LMNTD1: variants seen among roughly 807,000 people sequenced by gnomAD.
LMNTD1 encodes the protein lamin tail domain containing 1.
Under a neutral mutation model 50.9 loss-of-function variants are expected in LMNTD1, and 35 were observed. That is an observed-to-expected ratio of 0.69 (90% CI 0.53 to 0.91). The LOEUF (loss-of-function observed/expected upper bound fraction) is 0.91, where lower values mean the gene tolerates loss of function less well. Ranked by LOEUF, LMNTD1 falls within the 40% of genes least tolerant of loss-of-function variation. LMNTD1 has a pLI of 0.00. For missense variants in LMNTD1, 470 were observed against 475.5 expected (o/e 0.99, Z 0.11); for synonymous variants, 153 against 161.9 (o/e 0.94, Z 0.42).
intron 1 of LMNTD1, among the ~76,000 whole-genome samples, chr12:25,590,690 C>T (rs760506584): frequency 2.0e-5 from 3 of 152,170 alleles, no homozygotes; most frequent in Non-Finnish European, 4.4e-5. Flanking sequence ...AGGACTTTGT[C>T]TGGCATCTTG....
intron 9 of LMNTD1, among the ~76,000 whole-genome samples, chr12:25,480,294 C>T (rs146156039): frequency 4.6e-4 from 70 of 152,280 alleles, no homozygotes; most frequent in Non-Finnish European, 4.4e-5. Flanking sequence ...GATTTTCTGG[C>T]AGATGGCAGT....
chr12:25,559,307 G>C (rs1944181401), intron 1 of LMNTD1, among the ~76,000 whole-genome samples: 1 of 151,982 alleles, frequency 6.6e-6, no homozygotes, highest in Non-Finnish European at 1.5e-5. Flanking sequence ...TTGGTTTTCT[G>C]TCCTTGCAAT....
chr12:25,548,156 T>C (rs896941032), intron 3 of LMNTD1, among the ~76,000 whole-genome samples: 2 of 151,746 alleles, frequency 1.3e-5, no homozygotes, highest in African/African-American at 4.8e-5. Flanking sequence ...AATTTTATAC[T>C]TGTCATACAA....
chr12:25,569,612 A>C (rs1944702901), intron 1 of LMNTD1, among the ~76,000 whole-genome samples: 1 of 152,164 alleles, frequency 6.6e-6, no homozygotes, highest in Non-Finnish European at 1.5e-5. Flanking sequence ...CTGGTAGAAG[A>C]TGACTGGATC....
At chr12:25,480,763 T>C (rs551078358) in intron 9 of LMNTD1, among the ~76,000 whole-genome samples, 2 of 152,340 alleles carry the variant, frequency 1.3e-5, no homozygotes, top group East Asian at 3.9e-4. Flanking sequence ...TGCATATGTC[T>C]TTATAGTCCC....
intron 7 of LMNTD1, among the ~76,000 whole-genome samples, chr12:25,519,374 A>AGGTC (rs1941074792): frequency 1.3e-5 from 2 of 149,358 alleles, no homozygotes; most frequent in African/African-American, 4.9e-5. Flanking sequence ...GGCGGATCAC[A>AGGTC]AGGAGATCGA....
At chr12:25,559,614 T>A (rs1462846220) in intron 1 of LMNTD1, among the ~76,000 whole-genome samples, 1 of 152,206 alleles carries the variant, frequency 6.6e-6, no homozygotes, top group Non-Finnish European at 1.5e-5. Flanking sequence ...CCTTGAGGAA[T>A]CACCACACTG....
In LMNTD1 at chr12:25,507,644, C is replaced by T. The variant is rs115871924; in HGVS notation, c.1190-3844G>A. ...GAAGGCACAGGGGAGCACACACTCC[C>T]AGGGCATGATCCAGATGTTGTAGAT... On this transcript the variant is annotated intron_variant, in intron 8 of 9. Coordinates refer to ENST00000458174, the MANE Select transcript of LMNTD1 (RefSeq NM_001145728.2). 3.7e-3 allele frequency among the ~76,000 whole-genome samples: 557 copies of T among 152,298 alleles called. 4 individuals are homozygous for T. Among genetic ancestry groups the T allele is most frequent in the African/African-American group, 0.013 (541 of 41,558 alleles).
chr12:25,527,681 TACACACACACACACACAC>T (rs376707066), intron 4 of LMNTD1, among the ~76,000 whole-genome samples: 13 of 32,344 alleles, frequency 4.0e-4, no homozygotes, highest in African/African-American at 1.4e-3. Flanking sequence ...TATATATATA[TACACACACACACACACAC>T]ACACACACAC....
intron 4 of LMNTD1, among the ~76,000 whole-genome samples, chr12:25,540,693 C>A (rs1943002249): frequency 7.0e-6 from 1 of 142,786 alleles, no homozygotes; most frequent in Non-Finnish European, 1.5e-5. Context: ...TCTCACCGCT[C>A]CTATTCAACA....
intron 1 of LMNTD1, among the ~76,000 whole-genome samples, chr12:25,610,615 G>C (rs553712916): frequency 2.0e-5 from 3 of 152,180 alleles, no homozygotes; most frequent in Non-Finnish European, 4.4e-5. Flanking sequence ...TAGGAAACTA[G>C]GATTGTGGTC....
chr12:25,567,573 A>G (rs867577233), intron 1 of LMNTD1, among the ~76,000 whole-genome samples: 15 of 152,184 alleles, frequency 9.9e-5, no homozygotes, highest in Admixed American at 3.9e-4. Flanking sequence ...TGATGGGATC[A>G]TGGGGATTGG....
At chr12:25,519,759 T>C in intron 7 of LMNTD1, 99 bp downstream of exon 7, 1 of 760,180 alleles carries the variant, frequency 1.3e-6, no homozygotes, top group Non-Finnish European at 2.2e-6. Flanking sequence ...TGATTTAATT[T>C]ATACATCACA....
intron 1 of LMNTD1, among the ~76,000 whole-genome samples, chr12:25,603,948 G>C (rs955670840): frequency 1.3e-5 from 2 of 149,010 alleles, no homozygotes; most frequent in Non-Finnish European, 2.9e-5. Flanking sequence ...ACGAATATTG[G>C]GGGGGAAGGC....
At chr12:25,520,177 G>T (rs866775821) in intron 6 of LMNTD1, 102 bp from the exon 7 acceptor site, 2,387 of 146,968 alleles carry the variant, frequency 0.016, 42 homozygotes, top group South Asian at 0.04. Flanking sequence ...TATATATATA[G>T]TAAAATGGTT....
intron 9 of LMNTD1, among the ~76,000 whole-genome samples, chr12:25,490,123 C>T (rs1366537041): frequency 6.6e-6 from 1 of 152,202 alleles, no homozygotes; most frequent in East Asian, 1.9e-4. Context: ...ATGTATTCTT[C>T]TGTAACACTA....
intron 7 of LMNTD1, among the ~76,000 whole-genome samples, chr12:25,519,586 T>TTAAAAAAAAAAA (rs781742784): frequency 4.0e-5 from 3 of 74,940 alleles, no homozygotes; most frequent in East Asian, 5.0e-4. Context: ...AGACTCTGTC[T>TTAAAAAAAAAAA]CAAAAAAAAA....
At chr12:25,637,038 G>A (rs1053396180) in intron 1 of LMNTD1, among the ~76,000 whole-genome samples, 4 of 152,126 alleles carry the variant, frequency 2.6e-5, no homozygotes, top group African/African-American at 9.7e-5. Flanking sequence ...ATGGTACAGT[G>A]TATACTGCTT....
intron 1 of LMNTD1, among the ~76,000 whole-genome samples, chr12:25,641,468 G>A (rs1042484954): frequency 6.6e-6 from 1 of 152,102 alleles, no homozygotes; most frequent in African/African-American, 2.4e-5. Context: ...GTGACCTGAG[G>A]TAAGTATTTA....
Sources: allele counts gnomAD v4.1 joint callset (sites outside exome capture counted in the v4.1 genomes callset), GRCh38; gene constraint gnomAD v4.1.1; transcripts MANE v1.5; gene names NCBI Gene and HGNC (gene_info 2026-07-23, HGNC 2026-07-21).